Variants in ZFYVE1 observed in about 807,000 individuals in gnomAD.
ZFYVE1 encodes the protein zinc finger FYVE-type containing 1, also known as zinc finger FYVE domain-containing protein 1.
Under a neutral mutation model 74.4 loss-of-function variants are expected in ZFYVE1, and 30 were observed. The ratio of observed to expected loss-of-function variants is 0.40; its 90% CI spans 0.30 to 0.55. The LOEUF is 0.55. Ranked by LOEUF, ZFYVE1 falls within the 20% of genes least tolerant of loss-of-function variation. The pLI is 0.42. For missense variants in ZFYVE1, 703 were observed against 1,011.6 expected, an observed-to-expected ratio of 0.69 and a Z score of 4.14; for synonymous variants, 335 against 385.1, an observed-to-expected ratio of 0.87 and a Z score of 1.52.
Position 73,024,634 on chromosome 14 carries a change from G to C in ZFYVE1, c.-126C>G. 1.5e-6 allele frequency: 2 copies of C among 1,340,744 alleles called. No individual in the cohort carries two copies. Among genetic ancestry groups the C allele is most frequent in the South Asian group, 1.6e-5 (1 of 60,650 alleles). 83.1% of individuals were successfully genotyped at this position (1,340,744 alleles called of 1,614,324 possible). On this transcript the variant is annotated 5_prime_UTR_variant, in exon 2 of 12. Coordinates refer to ENST00000556143, the MANE Select transcript of ZFYVE1 (RefSeq NM_021260.4). ...ACAGGGTTCTGAACACTTTAAAAAAGAACACCTTTCATGTCCTGTTATAGT... is the reference window on the plus strand; with the variant it reads ...ACAGGGTTCTGAACACTTTAAAAAACAACACCTTTCATGTCCTGTTATAGT...
At chr14:73,000,084 A>G (rs1893837820) in intron 2 of ZFYVE1, among the ~76,000 whole-genome samples, 1 of 152,082 alleles carries the variant, frequency 6.6e-6, no homozygotes, top group African/African-American at 2.4e-5. Context: ...ATAAAATAAA[A>G]TAAAATAAAT....
rs369576622 is a variant in ZFYVE1, at chr14:72,993,223, G to A, written c.1123C>T (p.Arg375Trp). The part of the protein sequence containing the change: ...YNPPTDFSGL[R>W]RALEQLLENN... The stretch of plus-strand genomic sequence containing the variant: ...TCTAGTAGCTGCTCCAAAGCACGCC[G>A]AAGCCCAGAAAAGTCCGTGGGAGGG... Residue 375 changes from arginine to tryptophan, a missense_variant, in exon 4 of 12, where the codon CGG becomes TGG. Arg to Trp is a moderately radical substitution (Grantham distance 101). Transcript: ENST00000556143. 9 of 1,613,776 alleles carry A rather than the reference G, an allele frequency of 5.6e-6. No individual in the cohort carries two copies. The highest frequency in any genetic ancestry group is 2.7e-5 in the African/African-American group (2 of 74,924).
chr14:72,980,527 G>GAATGAATT (rs1471942740), intron 5 of ZFYVE1, among the ~76,000 whole-genome samples: 2 of 140,784 alleles, frequency 1.4e-5, no homozygotes, highest in East Asian at 4.6e-4. Flanking sequence ...CATCACCTGA[G>GAATGAATT]AATTAATTAA....
chr14:73,004,487 G>T (rs1893937195), intron 2 of ZFYVE1, among the ~76,000 whole-genome samples: 1 of 152,022 alleles, frequency 6.6e-6, no homozygotes. Flanking sequence ...ACTCATATGG[G>T]ATGGAAAGAA....
chr14:72,976,569 G>T (rs1214709617), intron 8 of ZFYVE1, among the ~76,000 whole-genome samples: 1 of 152,074 alleles, frequency 6.6e-6, no homozygotes, highest in African/African-American at 2.4e-5. Flanking sequence ...TGGATCACAA[G>T]GTCAAGAGAT....
Position 72,975,940 on chromosome 14 carries a change from G to A in ZFYVE1, c.1636-219C>T. On this transcript the variant is annotated intron_variant, in intron 8 of 11. Transcript: ENST00000556143. This position sits in a 1 kb window ranked among gnomAD's most constrained non-coding sequence, Gnocchi z 4.1. The stretch of plus-strand genomic sequence containing the variant: ...AGCTGTTCAATTCAGGACTTACTAA[G>A]CCCATATAATACAGGAGATGACACC... 1.8e-6 allele frequency: 1 copy of A among 556,180 alleles called. No homozygotes were observed. The highest frequency in any genetic ancestry group is 3.1e-6 in the Non-Finnish European group (1 of 322,336). The allele number at this position is 556,180 out of a possible 1,614,324, so 34.5% of individuals were successfully genotyped here.
chr14:73,000,477 G>A (rs898791438), intron 2 of ZFYVE1, among the ~76,000 whole-genome samples: 3 of 152,020 alleles, frequency 2.0e-5, no homozygotes, highest in Non-Finnish European at 2.9e-5. Flanking sequence ...GGTGGTATGC[G>A]CCTGTAATCC....
Position 72,981,807 on chromosome 14 carries a change from G to A in ZFYVE1, c.1292C>T (p.Ser431Phe). The change falls in exon 5 of 12, where the codon TCC becomes TTC. Residue 431 changes from serine to phenylalanine, a missense_variant. Physicochemically the swap from Ser to Phe is radical, Grantham distance 155. Coordinates refer to ENST00000556143, the MANE Select transcript of ZFYVE1 (RefSeq NM_021260.4). ...FFPDEYFTCS[S>F]LCLSCGVGCK... is the part of the protein sequence containing the mutation. ...TACTTACCCACAGCTGAGGCACAAGGAGGAGCAGGTGAAATACTCATCTGG... is the reference window on the plus strand; with the variant it reads ...TACTTACCCACAGCTGAGGCACAAGAAGGAGCAGGTGAAATACTCATCTGG... The A allele has an allele frequency of 6.2e-7, 1 of 1,614,142 alleles. No homozygotes were observed. The highest frequency in any genetic ancestry group is 8.5e-7 in the Non-Finnish European group (1 of 1,180,016).
rs1428734252 is a variant in ZFYVE1, at chr14:72,970,837, C to A, written c.*45G>T. ...CTACCTCGCAAGACTGTTTCTAACC[C>A]TGAGAACCTAAGGAATTGTGAAGGA... On this transcript the variant is annotated 3_prime_UTR_variant, in exon 12 of 12. Coordinates refer to ENST00000556143, the MANE Select transcript of ZFYVE1 (RefSeq NM_021260.4). 1.3e-6 allele frequency: 2 copies of A among 1,599,716 alleles called. No homozygotes were observed. The highest frequency in any genetic ancestry group is 3.4e-5 in the Admixed American group (2 of 59,446).
intron 2 of ZFYVE1, among the ~76,000 whole-genome samples, chr14:73,008,246 G>A (rs1036478536): frequency 1.3e-5 from 2 of 152,198 alleles, no homozygotes; most frequent in African/African-American, 4.8e-5. Flanking sequence ...CGCAACCTCT[G>A]CCTCCCGGGT....
chr14:73,022,610 A>G (rs1780865679), intron 2 of ZFYVE1, among the ~76,000 whole-genome samples: 1 of 152,248 alleles, frequency 6.6e-6, no homozygotes, highest in African/African-American at 2.4e-5. Context: ...AAGGATTTTT[A>G]TCACTTACCC....
At chr14:72,996,897 G>A (rs1483197485) in intron 3 of ZFYVE1, among the ~76,000 whole-genome samples, 1 of 152,158 alleles carries the variant, frequency 6.6e-6, no homozygotes, top group Non-Finnish European at 1.5e-5. Context: ...AGTGAAGATT[G>A]CAATTGTTTC....
intron 6 of ZFYVE1, among the ~76,000 whole-genome samples, 163 bp from the exon 7 acceptor site, chr14:72,978,397 T>C (rs1893231361): frequency 6.6e-6 from 1 of 151,308 alleles, no homozygotes; most frequent in African/African-American, 2.4e-5. Context: ...TGAAACCCTG[T>C]CTCTACTAAA....
chr14:72,991,000 G>C (rs1037321956), intron 4 of ZFYVE1, among the ~76,000 whole-genome samples: 3 of 151,842 alleles, frequency 2.0e-5, no homozygotes, highest in Non-Finnish European at 4.4e-5. Flanking sequence ...CACCTCACCC[G>C]ACAGACCAGG....
At chr14:72,979,639 G>A (rs1208959486) in intron 5 of ZFYVE1, among the ~76,000 whole-genome samples, 3 of 150,182 alleles carry the variant, frequency 2.0e-5, no homozygotes, top group Admixed American at 1.3e-4. Context: ...GGGCAACAGC[G>A]AGACTCTGTC....
At chr14:72,978,287 T>A (rs1893228134) in intron 6 of ZFYVE1, 53 bp from the exon 7 acceptor site, 1 of 1,577,946 alleles carries the variant, frequency 6.3e-7, no homozygotes. Context: ...TTTGTTTTTT[T>A]AATAGACACG....
rs1893103135 is a variant in ZFYVE1 at position 72,974,117 on chromosome 14, A to C, written c.2064T>G (p.Thr688=). The change falls in exon 11 of 12, where the codon ACT becomes ACG. Residue 688 remains threonine, a synonymous_variant. Coordinates refer to ENST00000556143, the MANE Select transcript of ZFYVE1 (RefSeq NM_021260.4). ...CAATGGCTGTCACCACGGCTCCCAG[A>C]GTGTTCTGCACGGCCTCGCCCACCT... ...ARKVGEAVQN[T]LGAVVTAIDI... is the part of the protein sequence containing the mutation. 6.2e-7 allele frequency: 1 copy of C among 1,614,070 alleles called. No individual in the cohort carries two copies. Among genetic ancestry groups the C allele is most frequent in the African/African-American group, 1.3e-5 (1 of 75,030 alleles).
chr14:73,013,345 CG>C (rs1555534832), intron 2 of ZFYVE1, among the ~76,000 whole-genome samples: 5 of 152,126 alleles, frequency 3.3e-5, no homozygotes, highest in Non-Finnish European at 7.4e-5. Context: ...CAGTGGCTCA[CG>C]CCTGTAATCC....
intron 3 of ZFYVE1, among the ~76,000 whole-genome samples, chr14:72,996,951 C>T (rs1173204425): frequency 6.6e-6 from 1 of 152,190 alleles, no homozygotes; most frequent in Non-Finnish European, 1.5e-5. Context: ...TCTGTTATTG[C>T]ACCTTTCCCC....
Sources: gnomAD v4.1 joint callset for allele counts (sites outside exome capture counted in the v4.1 genomes callset) on GRCh38, gnomAD v4.1.1 for gene constraint, Gnocchi (gnomAD v3.1) non-coding constraint, MANE v1.5 for transcripts, NCBI Gene and HGNC (gene_info 2026-07-23, HGNC 2026-07-21) for gene names.